LRBA: variants seen among roughly 807,000 people sequenced by gnomAD.
LRBA encodes LPS responsive beige-like anchor protein, also known as lipopolysaccharide-responsive and beige-like anchor protein.
In LRBA, 176 loss-of-function variants were observed where a neutral mutation model predicts 330.0. The ratio of observed to expected loss-of-function variants is 0.53; its 90% CI spans 0.47 to 0.60. LRBA has a LOEUF of 0.60. Among genes scored for constraint, LRBA ranks in the 20% least tolerant of loss-of-function variants. The probability of loss-of-function intolerance (pLI) is 0.00; values close to 1 mark genes in which losing one functional copy is unlikely to be tolerated. For synonymous variants in LRBA, 1,230 were observed against 1,193.0 expected (o/e 1.03, Z -0.64); for missense variants, 3,259 against 3,444.8 (o/e 0.95, Z 1.35).
intron 47 of LRBA, among the ~76,000 whole-genome samples, chr4:150,389,083 A>T (rs1444537002): frequency 6.6e-6 from 1 of 152,232 alleles, no homozygotes; most frequent in African/African-American, 2.4e-5. Context: ...ATCAAGAAGA[A>T]TGAGTATCTT....
chr4:150,285,783 A>C (rs1340236617), intron 54 of LRBA, 150 bp downstream of exon 54: 1 of 449,430 alleles, frequency 2.2e-6, no homozygotes, highest in African/African-American at 2.0e-5. Context: ...AATTTTATTT[A>C]ATTTTAAATA....
intron 40 of LRBA, among the ~76,000 whole-genome samples, chr4:150,502,003 C>G (rs1460529016): frequency 6.6e-6 from 1 of 152,118 alleles, no homozygotes; most frequent in African/African-American, 2.4e-5. Context: ...GTAGAGAAAA[C>G]AGAGCTTGAA....
chr4:150,497,030 TAA>T (rs1759669044), intron 40 of LRBA, among the ~76,000 whole-genome samples: 1 of 152,114 alleles, frequency 6.6e-6, no homozygotes. Context: ...ACCTTTAAAA[TAA>T]AGACATTGAA....
chr4:150,965,688 T>A (rs1389326334), intron 2 of LRBA, among the ~76,000 whole-genome samples: 1 of 151,266 alleles, frequency 6.6e-6, no homozygotes, highest in South Asian at 2.1e-4. Flanking sequence ...TATAGGCACA[T>A]ACGACCATGC....
At chr4:150,637,224 G>C (rs1716478814) in intron 37 of LRBA, among the ~76,000 whole-genome samples, 1 of 151,978 alleles carries the variant, frequency 6.6e-6, no homozygotes, top group South Asian at 2.1e-4. Context: ...TGGTACATTG[G>C]CAAGTATCAG....
intron 2 of LRBA, among the ~76,000 whole-genome samples, chr4:150,954,816 T>TAAAAAAA (rs1737347256): frequency 1.2e-4 from 2 of 16,644 alleles, no homozygotes; most frequent in Non-Finnish European, 2.3e-4. Context: ...GACTCAGAAA[T>TAAAAAAA]CAAAAAAAAA....
intron 43 of LRBA, among the ~76,000 whole-genome samples, chr4:150,471,319 T>C (rs544126715): frequency 2.6e-5 from 4 of 152,230 alleles, no homozygotes; most frequent in South Asian, 2.1e-4. Flanking sequence ...ATTTTCTCCT[T>C]ACTCCCACCA....
intron 47 of LRBA, among the ~76,000 whole-genome samples, chr4:150,368,520 T>TA (rs1054572592): frequency 2.0e-5 from 3 of 152,196 alleles, no homozygotes; most frequent in Non-Finnish European, 2.9e-5. Context: ...GCTATGTATA[T>TA]ACAAAAACAT....
intron 53 of LRBA, among the ~76,000 whole-genome samples, chr4:150,299,752 C>A (rs919150907): frequency 3.3e-5 from 5 of 151,820 alleles, no homozygotes; most frequent in African/African-American, 1.2e-4. Flanking sequence ...CTATAAAATG[C>A]AGAAAAAGCA....
intron 37 of LRBA, among the ~76,000 whole-genome samples, chr4:150,632,921 G>A (rs1777530396): frequency 6.6e-6 from 1 of 152,176 alleles, no homozygotes; most frequent in South Asian, 2.1e-4. Context: ...CACTAAGTTA[G>A]AGTTTCTTTC....
At chr4:150,880,075 C>A (rs1228758662) in intron 17 of LRBA, among the ~76,000 whole-genome samples, 3 of 150,922 alleles carry the variant, frequency 2.0e-5, no homozygotes, top group African/African-American at 7.4e-5. Flanking sequence ...AAATAGAGAA[C>A]CCAGAAACAA....
At chr4:150,448,220 T>C (rs1416418376) in intron 44 of LRBA, among the ~76,000 whole-genome samples, 2 of 152,196 alleles carry the variant, frequency 1.3e-5, no homozygotes. Flanking sequence ...AAGACCCTTC[T>C]TAAAGAGACC....
At chr4:150,399,627 C>T (rs1026831154) in intron 47 of LRBA, among the ~76,000 whole-genome samples, 1 of 152,028 alleles carries the variant, frequency 6.6e-6, no homozygotes, top group African/African-American at 2.4e-5. Flanking sequence ...ACATCTCAGG[C>T]GGACTCTGTT....
chr4:150,881,476 T>C (rs897375326), intron 17 of LRBA, among the ~76,000 whole-genome samples: 26 of 152,002 alleles, frequency 1.7e-4, no homozygotes, highest in East Asian at 1.2e-3. Flanking sequence ...TGGGCACTCA[T>C]AGACATAAAA....
intron 2 of LRBA, among the ~76,000 whole-genome samples, chr4:150,971,541 A>G (rs1260172157): frequency 6.6e-6 from 1 of 152,238 alleles, no homozygotes; most frequent in Non-Finnish European, 1.5e-5. Flanking sequence ...AATATTTGGC[A>G]TAAGGGTGAA....
In LRBA at chr4:150,537,954, C is replaced by CA. The variant is rs1030165722; in HGVS notation, c.6331-46920dup. On this transcript the variant is annotated intron_variant, in intron 40 of 56. Transcript: ENST00000651943. ...TGGGTGACAGAGCGAGACTCTGTCT[C>CA]AAAAAAAAAAGCGAACAAAAGACAT... Among the ~76,000 whole-genome samples the CA allele has an allele frequency of 6.0e-4, 85 of 141,534 alleles. 1 individual carries two copies. In the East Asian group the frequency reaches 0.012, roughly 20 times the overall value. The allele number at this position is 141,534 out of a possible 152,430, so 92.9% of individuals were successfully genotyped here.
At chr4:150,380,029 A>AG in intron 47 of LRBA, among the ~76,000 whole-genome samples, 1 of 136,450 alleles carries the variant, frequency 7.3e-6, no homozygotes, top group Non-Finnish European at 1.6e-5. Flanking sequence ...AAAAAAAAAA[A>AG]TTAGCCAGGT....
At chr4:150,373,028 C>A (rs1435037276) in intron 47 of LRBA, among the ~76,000 whole-genome samples, 1 of 151,892 alleles carries the variant, frequency 6.6e-6, no homozygotes, top group African/African-American at 2.4e-5. Context: ...CTCCTGCCAA[C>A]ATGTCAACAA....
At chr4:150,680,559 A>G (rs1289062845) in intron 37 of LRBA, among the ~76,000 whole-genome samples, 4 of 152,214 alleles carry the variant, frequency 2.6e-5, no homozygotes, top group African/African-American at 7.2e-5. Flanking sequence ...ATGTCTTTAT[A>G]AAGGGTATTA....
Sources: allele counts gnomAD v4.1 joint callset (sites outside exome capture counted in the v4.1 genomes callset), GRCh38; gene constraint gnomAD v4.1.1; transcripts MANE v1.5; gene names NCBI Gene and HGNC (gene_info 2026-07-23, HGNC 2026-07-21).